Variants in BMP7 observed in about 807,000 individuals in gnomAD.
The protein encoded by BMP7 is bone morphogenetic protein 7.
A neutral mutation model predicts 41.2 loss-of-function variants in BMP7; 12 were observed. The observed-to-expected ratio is 0.29, with a 90% confidence interval of 0.19 to 0.47. BMP7 has a LOEUF of 0.47. BMP7 is among the 20% of genes least tolerant of loss of function. The pLI, the probability that BMP7 is intolerant of heterozygous loss-of-function variation, is 0.99. For synonymous variants in BMP7, 248 were observed against 250.0 expected (o/e 0.99, Z 0.07); for missense variants, 467 against 606.0 (o/e 0.77, Z 2.41).
At chr20:57,231,916 G>A (rs1230649017) in intron 1 of BMP7, among the ~76,000 whole-genome samples, 1 of 152,254 alleles carries the variant, frequency 6.6e-6, no homozygotes, top group Non-Finnish European at 1.5e-5. Flanking sequence ...CAAAGCACAT[G>A]TTTGCTGAGT....
chr20:57,179,276 C>T (rs188704464), intron 4 of BMP7, among the ~76,000 whole-genome samples: 32 of 152,364 alleles, frequency 2.1e-4, no homozygotes, highest in Non-Finnish European at 3.8e-4. Context: ...GCCCCACCCG[C>T]CCCCAAGCAA....
Position 57,228,519 on chromosome 20 carries a change from G to GCTT in BMP7, c.419-99_419-98insAAG. The GCTT allele has an allele frequency of 5.6e-6, 8 of 1,437,694 alleles. No homozygotes were observed. Among genetic ancestry groups the GCTT allele is most frequent in the African/African-American group, 1.4e-5 (1 of 71,496 alleles). The allele number at this position is 1,437,694 out of a possible 1,614,324, so 89.1% of individuals were successfully genotyped here. On this transcript the variant is annotated intron_variant, in intron 1 of 6. Transcript: ENST00000395863. This position sits in a 1 kb window ranked among gnomAD's most constrained non-coding sequence, Gnocchi z 4.5. ...TCCAAGCATCTTGCCTAAGCTAGAT[G>GCTT]GAGGCATGCCCATTGCCAGTGACCC... is the stretch of plus-strand genomic sequence containing the variant.
chr20:57,253,558 G>A (rs1015036391), intron 1 of BMP7, among the ~76,000 whole-genome samples: 9 of 152,016 alleles, frequency 5.9e-5, no homozygotes, highest in African/African-American at 9.7e-5. Context: ...TAATGGGTCC[G>A]TAGATTGATT....
In BMP7 at chr20:57,174,694, T is replaced by C. The variant is rs1983882852; in HGVS notation, c.1035+237A>G. Among the ~76,000 whole-genome samples the C allele has an allele frequency of 6.6e-6, 1 of 152,182 alleles. No individual in the cohort carries two copies. The highest frequency in any genetic ancestry group is 1.5e-5 in the Non-Finnish European group (1 of 68,016). On this transcript the variant is annotated intron_variant, in intron 5 of 6. Coordinates refer to ENST00000395863, the MANE Select transcript of BMP7 (RefSeq NM_001719.3). This position sits in a 1 kb window ranked among gnomAD's most constrained non-coding sequence, Gnocchi z 4.3. ...ATGAGGTGCATGCAGAGAATGGGGT[T>C]CAGAGTCCAAAGTGTTTGGGTTCCT... is the stretch of plus-strand genomic sequence containing the variant.
rs564716698 is a variant in BMP7, at chr20:57,184,468, A to C, written c.761-549T>G. On this transcript the variant is annotated intron_variant, in intron 3 of 6. Transcript: ENST00000395863. ...AGGTGAATGCCCGGAGGCAGGAGCA[A>C]GGAGGGTGTGTTCAAGGGGCAGGGG... 1.1e-4 allele frequency among the ~76,000 whole-genome samples: 17 copies of C among 152,208 alleles called. No individual in the cohort carries two copies. The South Asian group carries it at 3.5e-3, about 32-fold the overall frequency.
At chr20:57,187,148 C>T (rs551788005) in intron 3 of BMP7, 1 of 152,364 alleles carries the variant, frequency 6.6e-6, no homozygotes, top group East Asian at 1.9e-4. Context: ...CAGGGAGCCA[C>T]AGCCTCAGCT....
At chr20:57,257,651 T>C (rs1427799419) in intron 1 of BMP7, among the ~76,000 whole-genome samples, 1 of 152,070 alleles carries the variant, frequency 6.6e-6, no homozygotes, top group Non-Finnish European at 1.5e-5. Context: ...ATCAAAAGCA[T>C]TTAGAAGAGA....
Position 57,212,061 on chromosome 20 carries a change from C to T in BMP7, c.612-9438G>A, listed in dbSNP as rs529898575. Among the ~76,000 whole-genome samples the T allele has an allele frequency of 9.2e-5, 14 of 152,284 alleles. No homozygotes were observed. The South Asian group carries it at 2.9e-3, about 32-fold the overall frequency. The stretch of plus-strand genomic sequence containing the variant: ...ACAGCGGCAGCCAGAGATGGAGCTC[C>T]GGGTCCAGAGGCTGGGCGTGCGTAG... On this transcript the variant is annotated intron_variant, in intron 2 of 6. Transcript: ENST00000395863.
intron 4 of BMP7, among the ~76,000 whole-genome samples, chr20:57,179,667 G>A (rs1984029652): frequency 6.6e-6 from 1 of 152,368 alleles, no homozygotes; most frequent in African/African-American, 2.4e-5. Context: ...GCCCAAAACC[G>A]GGGGGACGAG....
At chr20:57,235,830 G>A (rs183476270) in intron 1 of BMP7, among the ~76,000 whole-genome samples, 82 of 152,318 alleles carry the variant, frequency 5.4e-4, no homozygotes, top group African/African-American at 1.8e-3. Context: ...TGATGGCTTG[G>A]TCCCTTGTTA....
At chr20:57,185,179 G>T (rs1447344093) in intron 3 of BMP7, among the ~76,000 whole-genome samples, 1 of 152,138 alleles carries the variant, frequency 6.6e-6, no homozygotes, top group Non-Finnish European at 1.5e-5. Flanking sequence ...GAGGGAGGCT[G>T]GTGAGAAAAG....
intron 1 of BMP7, among the ~76,000 whole-genome samples, chr20:57,237,619 C>T (rs2066052786): frequency 1.3e-5 from 2 of 152,236 alleles, no homozygotes; most frequent in South Asian, 4.1e-4. Flanking sequence ...TACCTGACTA[C>T]TCTAACAGGA....
chr20:57,227,381 T>TCCCCAC, intron 2 of BMP7, among the ~76,000 whole-genome samples: 1 of 151,582 alleles, frequency 6.6e-6, no homozygotes, highest in Admixed American at 6.6e-5. Flanking sequence ...TAGATGACCA[T>TCCCCAC]CCCCACCCCC....
intron 4 of BMP7, among the ~76,000 whole-genome samples, chr20:57,175,521 C>G (rs543149326): frequency 2.0e-5 from 3 of 152,188 alleles, no homozygotes; most frequent in Non-Finnish European, 4.4e-5. Context: ...AGAAATGAGA[C>G]AGCAGAGAGT....
At chr20:57,248,684 C>T (rs1437620814) in intron 1 of BMP7, among the ~76,000 whole-genome samples, 1 of 152,246 alleles carries the variant, frequency 6.6e-6, no homozygotes, top group Non-Finnish European at 1.5e-5. Flanking sequence ...GTGAACTCAT[C>T]TCCCTGAAGA....
intron 1 of BMP7, among the ~76,000 whole-genome samples, chr20:57,252,778 G>A (rs1415643887): frequency 6.6e-6 from 1 of 152,174 alleles, no homozygotes; most frequent in Non-Finnish European, 1.5e-5. Context: ...GTGGGTCAGT[G>A]CGTTTGAGGC....
At chr20:57,217,291 C>T (rs1425411079) in intron 2 of BMP7, among the ~76,000 whole-genome samples, 3 of 152,178 alleles carry the variant, frequency 2.0e-5, no homozygotes, top group Non-Finnish European at 4.4e-5. Context: ...CTATTGAGGA[C>T]ACCTCAAGTG....
chr20:57,248,808 G>GT lies in BMP7; in HGVS notation c.418+16896dup, dbSNP rs780798933. 3.3e-3 allele frequency among the ~76,000 whole-genome samples: 472 copies of GT among 142,662 alleles called. 2 individuals carry two copies. Among genetic ancestry groups the GT allele is most frequent in the African/African-American group, 5.5e-3 (218 of 39,502 alleles). 93.6% of individuals were successfully genotyped at this position (142,662 alleles called of 152,430 possible). Reference sequence around the variant, plus strand: ...TTTTTGTTTTGTTTTGTTTTGTTTTGTTTTTTTTGAGACAGAGTCTCACTC... The same window carrying GT: ...TTTTTGTTTTGTTTTGTTTTGTTTTGTTTTTTTTTGAGACAGAGTCTCACTC... On this transcript the variant is annotated intron_variant, in intron 1 of 6. Coordinates refer to ENST00000395863, the MANE Select transcript of BMP7 (RefSeq NM_001719.3).
intron 1 of BMP7, among the ~76,000 whole-genome samples, chr20:57,247,757 T>G (rs2066096040): frequency 6.6e-6 from 1 of 152,132 alleles, no homozygotes. Context: ...TTGAGTCTCT[T>G]GCTCTGTTCA....
Sources: gnomAD v4.1 joint callset for allele counts (sites outside exome capture counted in the v4.1 genomes callset) on GRCh38, gnomAD v4.1.1 for gene constraint, Gnocchi (gnomAD v3.1) non-coding constraint, MANE v1.5 for transcripts, NCBI Gene and HGNC (gene_info 2026-07-23, HGNC 2026-07-21) for gene names.